Variants in GCNT4 observed in about 807,000 individuals in gnomAD.
The protein encoded by GCNT4 is beta-1,3-galactosyl-O-glycosyl-glycoprotein beta-1,6-N-acetylglucosaminyltransferase 4.
Under a neutral mutation model 31.3 loss-of-function variants are expected in GCNT4, and 17 were observed. The ratio of observed to expected loss-of-function variants is 0.54; its 90% CI spans 0.37 to 0.81. GCNT4 has a LOEUF of 0.81. GCNT4 is among the 40% of genes least tolerant of loss of function. The probability of loss-of-function intolerance (pLI) is 0.00; values close to 1 mark genes in which losing one functional copy is unlikely to be tolerated. For missense variants in GCNT4, 503 were observed against 525.5 expected, an observed-to-expected ratio of 0.96 and a Z score of 0.42; for synonymous variants, 158 against 190.6, an observed-to-expected ratio of 0.83 and a Z score of 1.41.
the GCNT4 span, among the ~76,000 whole-genome samples, chr5:75,018,259 G>T: frequency 6.6e-6 from 1 of 151,984 alleles, no homozygotes; most frequent in Non-Finnish European, 1.5e-5. Context: ...AGTCACCGGG[G>T]GTAACATGTT....
chr5:75,029,877 G>C lies in GCNT4; in HGVS notation c.161C>G (p.Pro54Arg). ...YLVEYSLSTSPFVRNRYTHVK... is the reference protein window; with the variant it reads ...YLVEYSLSTSRFVRNRYTHVK... ...ATGAGTGTATCTGTTTCTTACAAAAGGCGAGGTACTTAGGGAGTACTCAAC... is the reference window on the plus strand; with the variant it reads ...ATGAGTGTATCTGTTTCTTACAAAACGCGAGGTACTTAGGGAGTACTCAAC... The change falls in exon 4 of 4, where the codon CCT becomes CGT. Residue 54 changes from proline (P) to arginine (R), a missense_variant. Transcript: ENST00000652361. 6.2e-7 allele frequency: 1 copy of C among 1,614,112 alleles called. No homozygotes were observed. The highest frequency in any genetic ancestry group is 8.5e-7 in the Non-Finnish European group (1 of 1,180,020).
intron 3 of GCNT4, among the ~76,000 whole-genome samples, chr5:75,031,753 A>C (rs1460497020): frequency 2.0e-5 from 3 of 152,166 alleles, no homozygotes; most frequent in African/African-American, 7.2e-5. Flanking sequence ...AAACAGGCTG[A>C]CTAGGAGGAG....
At chr5:75,023,439 C>A (rs183706561), downstream of GCNT4, among the ~76,000 whole-genome samples, 18 of 152,098 alleles carry the variant, frequency 1.2e-4, no homozygotes, top group African/African-American at 4.3e-4. Context: ...ATTATAATTT[C>A]TCTCATGGAA....
At position 75,033,676 on chromosome 5, in the gene GCNT4, T is replaced by A. The variant is rs776587747; in HGVS notation, c.-1-3638A>T. Among the ~76,000 whole-genome samples the A allele has an allele frequency of 3.3e-4, 41 of 124,496 alleles. 1 individual carries two copies. Among genetic ancestry groups the A allele is most frequent in the Non-Finnish European group, 1.4e-4 (8 of 55,492 alleles). 81.7% of individuals were successfully genotyped at this position (124,496 alleles called of 152,430 possible). A position where few individuals can be genotyped will look rare whatever the true frequency, so the allele number is the denominator to read the frequency against. On this transcript the variant is annotated intron_variant, in intron 3 of 3. Transcript: ENST00000652361. ...CCCTTTATTTATTTATTTATTTATT[T>A]TTTTTTTTTTACTTTAAGTTCTGGG...
At chr5:75,024,635 C>T (rs139883172), downstream of GCNT4, among the ~76,000 whole-genome samples, 28 of 152,150 alleles carry the variant, frequency 1.8e-4, 1 homozygote, top group East Asian at 1.9e-3. Flanking sequence ...GGGGTGTCTG[C>T]GTGCTCACAA....
chr5:75,046,200 A>G (rs1743434097), intron 3 of GCNT4, among the ~76,000 whole-genome samples: 1 of 152,064 alleles, frequency 6.6e-6, no homozygotes, highest in African/African-American at 2.4e-5. Flanking sequence ...TGTCTCTCTG[A>G]ATTTGCCAAC....
intron 2 of GCNT4, among the ~76,000 whole-genome samples, chr5:75,048,735 A>G (rs184240611): frequency 2.6e-5 from 4 of 152,294 alleles, no homozygotes; most frequent in Non-Finnish European, 5.9e-5. Flanking sequence ...CTCTGTACTG[A>G]GCAGACACCC....
chr5:75,047,501 G>A (rs552530326), intron 3 of GCNT4, among the ~76,000 whole-genome samples: 32 of 152,246 alleles, frequency 2.1e-4, no homozygotes, highest in Non-Finnish European at 4.1e-4. Context: ...CACTGTGGGT[G>A]GGGTTTTGGG....
intron 2 of GCNT4, among the ~76,000 whole-genome samples, chr5:75,051,699 C>T (rs1215960022): frequency 6.6e-6 from 1 of 152,240 alleles, no homozygotes; most frequent in African/African-American, 2.4e-5. Context: ...CCATAAAGTG[C>T]TAACTCTGAC....
intron 3 of GCNT4, among the ~76,000 whole-genome samples, chr5:75,032,872 G>GGTGGGTGTGGGTGTGT (rs55942109): frequency 2.3e-5 from 3 of 130,646 alleles, no homozygotes; most frequent in Non-Finnish European, 5.1e-5. Flanking sequence ...CCCAAATAGG[G>GGTGGGTGTGGGTGTGT]GTGTGTGTGT....
chr5:75,042,114 CTCTCAAGCTT>C (rs1561377166), intron 3 of GCNT4, among the ~76,000 whole-genome samples: 2 of 152,140 alleles, frequency 1.3e-5, no homozygotes, highest in Non-Finnish European at 2.9e-5. Flanking sequence ...ACATCTTTGC[CTCTCAAGCTT>C]TATCAAAGAG....
intron 3 of GCNT4, among the ~76,000 whole-genome samples, chr5:75,037,645 T>A (rs1743227685): frequency 6.6e-6 from 1 of 152,054 alleles, no homozygotes; most frequent in East Asian, 1.9e-4. Flanking sequence ...CAGACTGGCC[T>A]GAGTGCAGAT....
the GCNT4 span, among the ~76,000 whole-genome samples, chr5:75,018,141 T>C: frequency 6.6e-6 from 1 of 152,224 alleles, no homozygotes; most frequent in African/African-American, 2.4e-5. Flanking sequence ...ATTATTGTTG[T>C]TCTCTTGAAG....
intron 3 of GCNT4, among the ~76,000 whole-genome samples, chr5:75,031,800 G>A (rs58174258): frequency 0.015 from 2,303 of 152,256 alleles, 50 homozygotes; most frequent in African/African-American, 0.052. Flanking sequence ...CAAGAAGGGC[G>A]GCCCAGGAAG....
At chr5:75,035,200 A>G (rs1464362695) in intron 3 of GCNT4, among the ~76,000 whole-genome samples, 1 of 152,280 alleles carries the variant, frequency 6.6e-6, no homozygotes, top group African/African-American at 2.4e-5. Context: ...GGTAGGCACG[A>G]CTGCATTCAG....
intron 3 of GCNT4, among the ~76,000 whole-genome samples, chr5:75,032,872 GGTGT>G (rs60551634): frequency 0.019 from 2,493 of 130,606 alleles, 45 homozygotes; most frequent in African/African-American, 0.046. Context: ...CCCAAATAGG[GGTGT>G]GTGTGTGTGT....
downstream of GCNT4, among the ~76,000 whole-genome samples, chr5:75,020,446 C>T (rs1742869088): frequency 6.6e-6 from 1 of 152,124 alleles, no homozygotes; most frequent in African/African-American, 2.4e-5. Flanking sequence ...GCTGGCCTTG[C>T]AGGCCAGGGA....
intron 3 of GCNT4, among the ~76,000 whole-genome samples, chr5:75,042,911 C>T (rs1357015388): frequency 6.6e-6 from 1 of 152,052 alleles, no homozygotes; most frequent in African/African-American, 2.4e-5. Flanking sequence ...CTCAGGAATT[C>T]AAAAATTAAG....
rs569528587 is a variant in GCNT4 at position 75,049,776 on chromosome 5, G to C, written c.-142-1739C>G. 1.3e-5 allele frequency among the ~76,000 whole-genome samples: 2 copies of C among 152,294 alleles called. 1 individual carries two copies. Among genetic ancestry groups the C allele is most frequent in the African/African-American group, 4.8e-5 (2 of 41,552 alleles). On this transcript the variant is annotated intron_variant, in intron 2 of 3. Coordinates refer to ENST00000652361, the MANE Select transcript of GCNT4 (RefSeq NM_001366737.1). ...CACTTGTTGACACATTAAGTAGAAG[G>C]TGCCTTGCCTTGTGAGTCAGGCAAA...
Sources: allele counts gnomAD v4.1 joint callset (sites outside exome capture counted in the v4.1 genomes callset), GRCh38; gene constraint gnomAD v4.1.1; transcripts MANE v1.5; gene names NCBI Gene and HGNC (gene_info 2026-07-23, HGNC 2026-07-21).